Variants in OPRM1 observed in about 807,000 individuals in gnomAD.
OPRM1 encodes the protein opioid receptor mu 1, also known as mu-type opioid receptor.
A neutral mutation model predicts 31.8 loss-of-function variants in OPRM1; 27 were observed. That is an observed-to-expected ratio of 0.85 (90% CI 0.63 to 1.17). The LOEUF (loss-of-function observed/expected upper bound fraction) is 1.17. Among genes scored for constraint, OPRM1 ranks in the 50% most tolerant of loss-of-function variants. The pLI, the probability that OPRM1 is intolerant of heterozygous loss-of-function variation, is 0.00. For synonymous variants in OPRM1, 196 were observed against 189.9 expected, an observed-to-expected ratio of 1.03 and a Z score of -0.26; for missense variants, 536 against 511.1, an observed-to-expected ratio of 1.05 and a Z score of -0.47.
Position 154,214,248 on chromosome 6 carries a change from T to G in OPRM1, c.1165-32445T>G, listed in dbSNP as rs770986399. 20 of 1,611,626 alleles carry G rather than the reference T, an allele frequency of 1.2e-5. 1 individual carries two copies. The South Asian group carries it at 2.0e-4, about 16-fold the overall frequency. On this transcript the variant is annotated intron_variant, in intron 3 of 3. Transcript: ENST00000337049. ...TCCTTTGTAGTGGATTCCTGATGGA[T>G]TACAGCCGATCCAAGTTTATTTAAC...
At chr6:154,029,001 C>T (rs1291825670) in intron 1 of OPRM1, among the ~76,000 whole-genome samples, 2 of 151,910 alleles carry the variant, frequency 1.3e-5, no homozygotes, top group African/African-American at 4.8e-5. Context: ...GTGTTCTTAT[C>T]AGGGGGACAA....
intron 1 of OPRM1, among the ~76,000 whole-genome samples, chr6:154,081,590 T>TA (rs1789167757): frequency 6.6e-6 from 1 of 152,326 alleles, no homozygotes; most frequent in South Asian, 2.1e-4. Flanking sequence ...CTATGACTGT[T>TA]ACAGCATTCA....
intron 1 of OPRM1, among the ~76,000 whole-genome samples, chr6:154,065,052 G>A (rs1347001936): frequency 1.3e-5 from 2 of 151,886 alleles, no homozygotes; most frequent in Non-Finnish European, 2.9e-5. Context: ...GGTAAAGATT[G>A]CATTGAATCT....
chr6:154,220,395 C>T (rs1196413876), intron 3 of OPRM1, among the ~76,000 whole-genome samples: 4 of 152,168 alleles, frequency 2.6e-5, no homozygotes, highest in Admixed American at 6.5e-5. Context: ...CGGTGGCTTA[C>T]GCCTTAGTTC....
chr6:154,238,082 T>C (rs1368770701), intron 3 of OPRM1, among the ~76,000 whole-genome samples: 1 of 152,204 alleles, frequency 6.6e-6, no homozygotes, highest in African/African-American at 2.4e-5. Flanking sequence ...AATGATGTTG[T>C]GGATATACAT....
chr6:154,182,041 TTAAAA>T, intron 3 of OPRM1, among the ~76,000 whole-genome samples: 1 of 152,182 alleles, frequency 6.6e-6, no homozygotes, highest in African/African-American at 2.4e-5. Context: ...ATCCCAGAAC[TTAAAA>T]TTAAATTAAA....
exon 1 of OPRM1, chr6:154,010,916 T>C (rs1228477210): frequency 2.3e-6 from 3 of 1,310,272 alleles, no homozygotes; most frequent in Non-Finnish European, 3.0e-6. Context: ...TTACATCCCA[T>C]CAAAATGTTT....
At chr6:154,189,346 G>C (rs745505013) in intron 3 of OPRM1, among the ~76,000 whole-genome samples, 3 of 152,164 alleles carry the variant, frequency 2.0e-5, no homozygotes, top group Non-Finnish European at 4.4e-5. Context: ...GTTGAAGATA[G>C]GCATACATCA....
intron 3 of OPRM1, chr6:154,160,087 T>A: frequency 9.3e-6 from 13 of 1,396,778 alleles, no homozygotes; most frequent in Non-Finnish European, 1.3e-5. Flanking sequence ...GAGAGTGTCT[T>A]AATTTACATA....
downstream of OPRM1, among the ~76,000 whole-genome samples, chr6:154,135,385 G>T (rs1196024809): frequency 6.6e-6 from 1 of 152,000 alleles, no homozygotes. Flanking sequence ...AGGGAGAATC[G>T]CTTGAATCTG....
chr6:154,182,591 G>T (rs1323211945), intron 3 of OPRM1, among the ~76,000 whole-genome samples: 1 of 152,182 alleles, frequency 6.6e-6, no homozygotes, highest in Non-Finnish European at 1.5e-5. Flanking sequence ...TAAGAAAACA[G>T]AAAACGTTGG....
intron 3 of OPRM1, among the ~76,000 whole-genome samples, chr6:154,228,814 G>A (rs1779474874): frequency 6.6e-6 from 1 of 152,212 alleles, no homozygotes; most frequent in African/African-American, 2.4e-5. Context: ...CTTGAGGCCA[G>A]ACGTTCAAGG....
chr6:154,129,385 A>G lies in OPRM1; in HGVS notation c.*10664A>G, dbSNP rs1400138616. On this transcript the variant is annotated 3_prime_UTR_variant, in exon 4 of 4. Coordinates refer to ENST00000330432, the MANE Select transcript of OPRM1 (RefSeq NM_000914.5). ...TACTGGGTTTAGGCCAGGCGGGCCC[A>G]GGCCTGGTTTCGGGCCTGGCGCTGA... Among the ~76,000 whole-genome samples the G allele has an allele frequency of 6.6e-6, 1 of 152,236 alleles. No homozygotes were observed. Among genetic ancestry groups the G allele is most frequent in the East Asian group, 1.9e-4 (1 of 5,194 alleles).
chr6:154,187,382 C>A (rs1160015364), intron 3 of OPRM1, among the ~76,000 whole-genome samples: 1 of 152,170 alleles, frequency 6.6e-6, no homozygotes, highest in Non-Finnish European at 1.5e-5. Context: ...TCAGTGTTAG[C>A]TCTGTAGGGC....
intron 3 of OPRM1, chr6:154,213,419 A>C (rs1778127506): frequency 6.5e-6 from 1 of 154,254 alleles, no homozygotes; most frequent in African/African-American, 2.4e-5. Context: ...ATCTATAAAT[A>C]GACAATGGGT....
At chr6:154,044,165 C>A (rs1203734028) in intron 1 of OPRM1, among the ~76,000 whole-genome samples, 10 of 152,094 alleles carry the variant, frequency 6.6e-5, no homozygotes, top group South Asian at 6.2e-4. Flanking sequence ...GTTGAAGTCT[C>A]TTCTCTGCTC....
downstream of OPRM1, among the ~76,000 whole-genome samples, chr6:154,135,480 TATAG>T (rs1304785846): frequency 3.5e-5 from 5 of 144,540 alleles, no homozygotes; most frequent in Non-Finnish European, 7.5e-5. Context: ...AAAAAAAATA[TATAG>T]ATAGATATAG....
At chr6:154,022,756 TCTTCTG>T (rs1778452912) in intron 1 of OPRM1, among the ~76,000 whole-genome samples, 1 of 152,226 alleles carries the variant, frequency 6.6e-6, no homozygotes, top group Non-Finnish European at 1.5e-5. Flanking sequence ...CTAGTTTCAT[TCTTCTG>T]CATATGGATA....
intron 3 of OPRM1, among the ~76,000 whole-genome samples, chr6:154,144,292 A>C (rs1036482820): frequency 1.3e-5 from 2 of 152,256 alleles, no homozygotes; most frequent in African/African-American, 4.8e-5. Flanking sequence ...AAAATTGAAG[A>C]GAACACTTCC....
Sources: allele counts gnomAD v4.1 joint callset (sites outside exome capture counted in the v4.1 genomes callset), GRCh38; gene constraint gnomAD v4.1.1; transcripts MANE v1.5; gene names NCBI Gene and HGNC (gene_info 2026-07-23, HGNC 2026-07-21).